LAMTOR2: variants seen among roughly 807,000 people sequenced by gnomAD.
LAMTOR2 encodes ragulator complex protein LAMTOR2.
In LAMTOR2, 4 loss-of-function variants were observed where a neutral mutation model predicts 15.8. That is an observed-to-expected ratio of 0.25 (90% confidence interval 0.12 to 0.58). LAMTOR2 has a LOEUF of 0.58. LAMTOR2 is among the 20% of genes least tolerant of loss of function. The pLI is 0.91. For missense variants in LAMTOR2, 100 were observed against 161.0 expected, an observed-to-expected ratio of 0.62 and a Z score of 2.05; for synonymous variants, 62 against 64.1, an observed-to-expected ratio of 0.97 and a Z score of 0.15.
Position 156,055,169 on chromosome 1 carries a change from T to C in LAMTOR2, c.69-94T>C, listed in dbSNP as rs1005171078. ...CCGGGACACGCTCAGGCCAGAGCCT[T>C]GCTGGATGTGCCCTTGGTGGGACTT... is the stretch of plus-strand genomic sequence containing the variant. On this transcript the variant is annotated intron_variant, in intron 1 of 3. Coordinates refer to ENST00000368305, the MANE Select transcript of LAMTOR2 (RefSeq NM_014017.4). This position sits in a 1 kb window ranked among gnomAD's most constrained non-coding sequence, Gnocchi z 4.8. 1.9e-6 allele frequency: 3 copies of C among 1,549,862 alleles called. No individual in the cohort carries two copies. The highest frequency in any genetic ancestry group is 1.8e-6 in the Non-Finnish European group (2 of 1,129,636).
rs1300133856 is a variant in LAMTOR2, at chr1:156,058,498, C to T, written c.*127C>T. 1.1e-6 allele frequency: 1 copy of T among 925,172 alleles called. No homozygotes were observed. Among genetic ancestry groups the T allele is most frequent in the African/African-American group, 1.6e-5 (1 of 60,956 alleles). 57.3% of individuals were successfully genotyped at this position (925,172 alleles called of 1,614,324 possible). On this transcript the variant is annotated 3_prime_UTR_variant, in exon 4 of 4. Coordinates refer to ENST00000368305, the MANE Select transcript of LAMTOR2 (RefSeq NM_014017.4). Reference sequence around the variant, plus strand: ...TGTTTTTTCCAAGAATAAACTTCAACTCCTGTCATGTGTCTTGGCTACTTT... The same window carrying T: ...TGTTTTTTCCAAGAATAAACTTCAATTCCTGTCATGTGTCTTGGCTACTTT...
At chr1:156,054,982 C>A (rs748373843) in intron 1 of LAMTOR2, 25 bp downstream of exon 1, 4 of 1,606,246 alleles carry the variant, frequency 2.5e-6, no homozygotes, top group African/African-American at 2.7e-5. Flanking sequence ...CGGACCCGAG[C>A]GGCGAGCGCT....
Position 156,055,036 on chromosome 1 carries a change from G to A in LAMTOR2, c.68+79G>A. 2 of 1,501,982 alleles carry A rather than the reference G, an allele frequency of 1.3e-6. No individual in the cohort carries two copies. The highest frequency in any genetic ancestry group is 1.8e-6 in the Non-Finnish European group (2 of 1,088,818). The allele number at this position is 1,501,982 out of a possible 1,614,324, so 93.0% of individuals were successfully genotyped here. A position where few individuals can be genotyped will look rare whatever the true frequency, so the allele number is the denominator to read the frequency against. On this transcript the variant is annotated intron_variant, in intron 1 of 3. Coordinates refer to ENST00000368305, the MANE Select transcript of LAMTOR2 (RefSeq NM_014017.4). The surrounding 1 kb of genome is among the most constrained non-coding windows in gnomAD (Gnocchi z 4.8). ...GCTCCCTGAGGGAGGGGTGGGGAAG[G>A]ATCACCAGGAAGGGAGGAAGCGGCA...
intron 2 of LAMTOR2, among the ~76,000 whole-genome samples, chr1:156,057,195 AAG>A (rs1553257328): frequency 6.6e-6 from 1 of 151,086 alleles, no homozygotes; most frequent in Non-Finnish European, 1.5e-5. Context: ...AAAAAAAAAA[AAG>A]AAATACATTT....
intron 3 of LAMTOR2, 69 bp from the exon 4 acceptor site, chr1:156,058,246 A>T: frequency 5.0e-6 from 8 of 1,604,938 alleles, no homozygotes; most frequent in Non-Finnish European, 6.0e-6. Context: ...TGGCACTGGG[A>T]GCAGACCTGG....
chr1:156,058,210 G>A (rs1430911377), intron 3 of LAMTOR2, 105 bp from the exon 4 acceptor site: 3 of 1,524,032 alleles, frequency 2.0e-6, no homozygotes, highest in Non-Finnish European at 2.7e-6. Context: ...AAGAGCAGGT[G>A]GGGGTTGGGG....
Position 156,055,025 on chromosome 1 carries a change from G to A in LAMTOR2, c.68+68G>A. On this transcript the variant is annotated intron_variant, in intron 1 of 3. Coordinates refer to ENST00000368305, the MANE Select transcript of LAMTOR2 (RefSeq NM_014017.4). This position sits in a 1 kb window ranked among gnomAD's most constrained non-coding sequence, Gnocchi z 4.8. ...GGCGGCGCGCGGCTCCCTGAGGGAG[G>A]GGTGGGGAAGGATCACCAGGAAGGG... The A allele has an allele frequency of 6.5e-7, 1 of 1,527,008 alleles. No homozygotes were observed. Among genetic ancestry groups the A allele is most frequent in the African/African-American group, 1.4e-5 (1 of 73,014 alleles). 94.6% of individuals were successfully genotyped at this position (1,527,008 alleles called of 1,614,324 possible). A position where few individuals can be genotyped will look rare whatever the true frequency, so the allele number is the denominator to read the frequency against.
intron 2 of LAMTOR2, among the ~76,000 whole-genome samples, chr1:156,057,034 T>G (rs1436274984): frequency 6.6e-6 from 1 of 151,416 alleles, no homozygotes; most frequent in Non-Finnish European, 1.5e-5. Context: ...AAAAATTAGC[T>G]GGGCATGGTG....
chr1:156,057,034 T>C (rs1436274984), intron 2 of LAMTOR2, among the ~76,000 whole-genome samples: 1 of 151,414 alleles, frequency 6.6e-6, no homozygotes, highest in Non-Finnish European at 1.5e-5. Flanking sequence ...AAAAATTAGC[T>C]GGGCATGGTG....
chr1:156,057,261 G>T (rs1647405003), intron 2 of LAMTOR2, among the ~76,000 whole-genome samples: 1 of 151,684 alleles, frequency 6.6e-6, no homozygotes, highest in African/African-American at 2.4e-5. Flanking sequence ...GGGAGGCTGA[G>T]GCTGGAGGAT....
Position 156,058,441 on chromosome 1 carries a change from C to A in LAMTOR2, c.*70C>A. ...GGAGGGGCGGGGCCTCCTAGAAGAA[C>A]CTTCTTAGACAATGGGGGGAGGATG... On this transcript the variant is annotated 3_prime_UTR_variant, in exon 4 of 4. Coordinates refer to ENST00000368305, the MANE Select transcript of LAMTOR2 (RefSeq NM_014017.4). 1 of 1,527,976 alleles carries A rather than the reference C, an allele frequency of 6.5e-7. No individual in the cohort carries two copies. Among genetic ancestry groups the A allele is most frequent in the Non-Finnish European group, 9.1e-7 (1 of 1,102,604 alleles). 94.7% of individuals were successfully genotyped at this position (1,527,976 alleles called of 1,614,324 possible).
rs931755665 is a variant in LAMTOR2, at chr1:156,054,837, G to T, written c.-53G>T. ...CGGGAAGCAGCGGGCAGCGGCCCGC[G>T]GGAGGCACCTCGGAGATCTGGGTGC... On this transcript the variant is annotated 5_prime_UTR_variant, in exon 1 of 4. Coordinates refer to ENST00000368305, the MANE Select transcript of LAMTOR2 (RefSeq NM_014017.4). The T allele has an allele frequency of 1.9e-6, 3 of 1,575,708 alleles. No homozygotes were observed. Among genetic ancestry groups the T allele is most frequent in the African/African-American group, 2.7e-5 (2 of 74,092 alleles).
chr1:156,054,883 C>A lies in LAMTOR2; in HGVS notation c.-7C>A. On this transcript the variant is annotated 5_prime_UTR_variant, in exon 1 of 4. Transcript: ENST00000368305. The stretch of plus-strand genomic sequence containing the variant: ...GGTGCAAAAGCCCAGGGTTAGGAAC[C>A]GTAGGCATGCTGCGCCCCAAGGCTT... 1 of 1,612,742 alleles carries A rather than the reference C, an allele frequency of 6.2e-7. No homozygotes were observed. The highest frequency in any genetic ancestry group is 8.5e-7 in the Non-Finnish European group (1 of 1,179,698).
In LAMTOR2 at chr1:156,055,012, C is replaced by T; in HGVS notation, c.68+55C>T. On this transcript the variant is annotated intron_variant, in intron 1 of 3. Coordinates refer to ENST00000368305, the MANE Select transcript of LAMTOR2 (RefSeq NM_014017.4). This position sits in a 1 kb window ranked among gnomAD's most constrained non-coding sequence, Gnocchi z 4.8. ...AGCGCTGCAGTGGGGCGGCGCGCGG[C>T]TCCCTGAGGGAGGGGTGGGGAAGGA... The T allele has an allele frequency of 6.4e-7, 1 of 1,565,396 alleles. No individual in the cohort carries two copies. Among genetic ancestry groups the T allele is most frequent in the Admixed American group, 1.7e-5 (1 of 57,248 alleles).
intron 2 of LAMTOR2, 29 bp from the exon 3 acceptor site, chr1:156,057,949 A>G (rs750824888): frequency 6.2e-7 from 1 of 1,607,350 alleles, no homozygotes; most frequent in South Asian, 1.1e-5. Context: ...CAAGCAGAAC[A>G]TCACATCCCA....
In LAMTOR2 at chr1:156,055,770, G is replaced by C; in HGVS notation, c.231+345G>C. The C allele has an allele frequency of 2.8e-6, 1 of 359,194 alleles. No homozygotes were observed. The allele number at this position is 359,194 out of a possible 1,614,324, so 22.3% of individuals were successfully genotyped here. On this transcript the variant is annotated intron_variant, in intron 2 of 3. Coordinates refer to ENST00000368305, the MANE Select transcript of LAMTOR2 (RefSeq NM_014017.4). The surrounding 1 kb of genome is among the most constrained non-coding windows in gnomAD (Gnocchi z 4.8). ...CGCTCCCCTCATGGGTTGTTGTGAA[G>C]GTCAGATGAAATAATGGGTATAAAC...
chr1:156,058,121 A>G (rs1204011520), intron 3 of LAMTOR2, 54 bp downstream of exon 3: 1 of 1,555,478 alleles, frequency 6.4e-7, no homozygotes, highest in African/African-American at 1.4e-5. Flanking sequence ...GTGCTTCTAC[A>G]CTGTGTTCAC....
chr1:156,054,867 G>A lies in LAMTOR2; in HGVS notation c.-23G>A, dbSNP rs773907701. The A allele has an allele frequency of 6.2e-7, 1 of 1,611,832 alleles. No homozygotes were observed. The highest frequency in any genetic ancestry group is 1.1e-5 in the South Asian group (1 of 90,836). ...GCACCTCGGAGATCTGGGTGCAAAA[G>A]CCCAGGGTTAGGAACCGTAGGCATG... On this transcript the variant is annotated 5_prime_UTR_variant, in exon 1 of 4. Transcript: ENST00000368305.
intron 2 of LAMTOR2, among the ~76,000 whole-genome samples, chr1:156,056,240 G>A (rs1360015834): frequency 2.6e-5 from 4 of 152,132 alleles, no homozygotes; most frequent in Non-Finnish European, 5.9e-5. Context: ...TGGCTCAAGC[G>A]ATCTACCCAC....
Sources: allele counts gnomAD v4.1 joint callset (sites outside exome capture counted in the v4.1 genomes callset), GRCh38; gene constraint gnomAD v4.1.1; non-coding constraint Gnocchi (gnomAD v3.1); transcripts MANE v1.5; gene names NCBI Gene and HGNC (gene_info 2026-07-23, HGNC 2026-07-21).